EXTL3: variants seen among roughly 807,000 people sequenced by gnomAD.
The protein encoded by EXTL3 is exostosin-like 3.
A neutral mutation model predicts 69.3 loss-of-function variants in EXTL3; 27 were observed. That is an observed-to-expected ratio of 0.39 (90% CI 0.29 to 0.54). The LOEUF (loss-of-function observed/expected upper bound fraction) is 0.54. Ranked by LOEUF, EXTL3 falls within the 20% of genes least tolerant of loss-of-function variation. The pLI is 0.69. For missense variants in EXTL3, 1,003 were observed against 1,231.8 expected (o/e 0.81, Z 2.78); for synonymous variants, 511 against 499.4 (o/e 1.02, Z -0.31).
intron 1 of EXTL3, among the ~76,000 whole-genome samples, chr8:28,637,760 T>C (rs962994573): frequency 6.6e-6 from 1 of 152,084 alleles, no homozygotes; most frequent in Non-Finnish European, 1.5e-5. Context: ...CCTTGTCCCA[T>C]CTCATCCATC....
At chr8:28,667,559 T>G (rs758565079) in intron 1 of EXTL3, among the ~76,000 whole-genome samples, 6 of 152,200 alleles carry the variant, frequency 3.9e-5, no homozygotes, top group Non-Finnish European at 7.3e-5. Flanking sequence ...GAGGTTTCCT[T>G]AAAGCTTACT....
At chr8:28,633,540 A>G (rs192991940) in intron 1 of EXTL3, among the ~76,000 whole-genome samples, 1 of 152,020 alleles carries the variant, frequency 6.6e-6, no homozygotes, top group Admixed American at 6.6e-5. Context: ...AAGCTGAAGC[A>G]CGAGAATCAC....
intron 1 of EXTL3, among the ~76,000 whole-genome samples, chr8:28,625,327 A>G (rs1029828418): frequency 6.6e-5 from 10 of 152,250 alleles, no homozygotes; most frequent in Non-Finnish European, 1.2e-4. Flanking sequence ...AAGAACCATA[A>G]AGACATGAGT....
chr8:28,675,627 A>G (rs1159816750), intron 1 of EXTL3, among the ~76,000 whole-genome samples: 1 of 152,168 alleles, frequency 6.6e-6, no homozygotes, highest in Non-Finnish European at 1.5e-5. Flanking sequence ...CACTTCACCC[A>G]GTAGGTGGAA....
intron 4 of EXTL3, among the ~76,000 whole-genome samples, chr8:28,737,190 C>T (rs567389240): frequency 6.6e-6 from 1 of 152,282 alleles, no homozygotes; most frequent in African/African-American, 2.4e-5. Context: ...ATTGTATATA[C>T]CCCATTCTGG....
At chr8:28,705,818 C>T (rs904964443) in intron 1 of EXTL3, among the ~76,000 whole-genome samples, 1 of 152,184 alleles carries the variant, frequency 6.6e-6, no homozygotes. Flanking sequence ...CTTGTTTCTA[C>T]ATCGCTACCC....
intron 1 of EXTL3, among the ~76,000 whole-genome samples, chr8:28,692,907 C>G (rs1181958198): frequency 2.0e-5 from 3 of 152,156 alleles, no homozygotes. Context: ...TATAGCTCTC[C>G]CTGCACTAAG....
intron 1 of EXTL3, among the ~76,000 whole-genome samples, chr8:28,641,103 C>T (rs1017737895): frequency 6.6e-6 from 1 of 152,132 alleles, no homozygotes; most frequent in East Asian, 1.9e-4. Context: ...CTCCACGGGT[C>T]GGGTTAATAC....
chr8:28,748,375 A>G (rs1265691600), intron 6 of EXTL3, among the ~76,000 whole-genome samples: 9 of 152,096 alleles, frequency 5.9e-5, no homozygotes, highest in African/African-American at 2.2e-4. Flanking sequence ...TCTCAAAAAA[A>G]AAAAAAACTT....
At chr8:28,691,666 G>A (rs1272895612) in intron 1 of EXTL3, among the ~76,000 whole-genome samples, 1 of 149,536 alleles carries the variant, frequency 6.7e-6, no homozygotes, top group Non-Finnish European at 1.5e-5. Flanking sequence ...GGGAGGCTGA[G>A]GTGGGTGGAT....
chr8:28,668,246 T>G (rs888678519), intron 1 of EXTL3, among the ~76,000 whole-genome samples: 1 of 123,418 alleles, frequency 8.1e-6, no homozygotes, highest in Admixed American at 9.2e-5. Flanking sequence ...CAACAAAATA[T>G]GAGGTCCTGT....
At chr8:28,654,162 T>A (rs545786552) in intron 1 of EXTL3, among the ~76,000 whole-genome samples, 36 of 152,352 alleles carry the variant, frequency 2.4e-4, no homozygotes, top group African/African-American at 7.9e-4. Flanking sequence ...TAAGAGGGTC[T>A]TTCTGAGATG....
At chr8:28,652,257 A>T (rs1429304195) in intron 1 of EXTL3, among the ~76,000 whole-genome samples, 1 of 152,118 alleles carries the variant, frequency 6.6e-6, no homozygotes, top group Non-Finnish European at 1.5e-5. Flanking sequence ...TTCTTGAGGA[A>T]CTGCCAAGCT....
chr8:28,637,475 ACTC>A (rs1438229429), intron 1 of EXTL3: 1 of 151,934 alleles, frequency 6.6e-6, no homozygotes, highest in Non-Finnish European at 1.5e-5. Flanking sequence ...AAGAAGTATC[ACTC>A]CTTTGATTAG....
At chr8:28,731,380 A>G in intron 4 of EXTL3, 30 bp downstream of exon 4, 1 of 1,613,958 alleles carries the variant, frequency 6.2e-7, no homozygotes, top group Non-Finnish European at 8.5e-7. Context: ...TCAAAACTTT[A>G]GGTTGCAAGT....
rs759387007 is a variant in EXTL3, at chr8:28,717,285, C to T, written c.1226C>T (p.Pro409Leu). 3 of 1,614,224 alleles carry T rather than the reference C, an allele frequency of 1.9e-6. No individual in the cohort carries two copies. The highest frequency in any genetic ancestry group is 1.1e-5 in the South Asian group (1 of 91,086). Residue 409 changes from proline to leucine, a missense_variant, in exon 3 of 7, where the codon CCG becomes CTG. By Grantham distance (98) the Pro-to-Leu change is moderately conservative (BLOSUM62 -3). Coordinates refer to ENST00000220562, the MANE Select transcript of EXTL3 (RefSeq NM_001440.4). This position sits in a 1 kb window ranked among gnomAD's most constrained non-coding sequence, Gnocchi z 8.3. ...AAAAACCAGCCCAAACCCAGCCTGCCGACTGAGTGGGCACTGTGTGGAGAG... is the reference window on the plus strand; with the variant it reads ...AAAAACCAGCCCAAACCCAGCCTGCTGACTGAGTGGGCACTGTGTGGAGAG... ...TCKNQPKPSL[P>L]TEWALCGERE...
intron 1 of EXTL3, among the ~76,000 whole-genome samples, chr8:28,658,596 C>G (rs1414430181): frequency 6.6e-6 from 1 of 152,020 alleles, no homozygotes; most frequent in Non-Finnish European, 1.5e-5. Flanking sequence ...TCCTCATGCA[C>G]TCTTTTTTTG....
At chr8:28,668,259 C>CAAA (rs71549685) in intron 1 of EXTL3, among the ~76,000 whole-genome samples, 1,463 of 64,234 alleles carry the variant, frequency 0.023, 37 homozygotes, top group African/African-American at 0.063. Context: ...GGTCCTGTCT[C>CAAA]AAAAAAAAAA....
intron 1 of EXTL3, among the ~76,000 whole-genome samples, chr8:28,658,810 A>G (rs1373181155): frequency 6.6e-6 from 1 of 151,966 alleles, no homozygotes; most frequent in African/African-American, 2.4e-5. Flanking sequence ...TGAACTCCCA[A>G]CCTCAAGTGA....
Sources: allele counts gnomAD v4.1 joint callset (sites outside exome capture counted in the v4.1 genomes callset), GRCh38; gene constraint gnomAD v4.1.1; non-coding constraint Gnocchi (gnomAD v3.1); transcripts MANE v1.5; gene names NCBI Gene and HGNC (gene_info 2026-07-23, HGNC 2026-07-21).